ANKS1A: variants seen among roughly 807,000 people sequenced by gnomAD.
ANKS1A encodes the protein ankyrin repeat and sterile alpha motif domain containing 1A.
A neutral mutation model predicts 120.3 loss-of-function variants in ANKS1A; 55 were observed. That is an observed-to-expected ratio of 0.46 (90% CI 0.37 to 0.57). The LOEUF (loss-of-function observed/expected upper bound fraction) is 0.57, where lower values mean the gene tolerates loss of function less well. Among genes scored for constraint, ANKS1A ranks in the 20% least tolerant of loss-of-function variants. The pLI is 0.00. For missense variants in ANKS1A, 1,123 were observed against 1,480.3 expected, an observed-to-expected ratio of 0.76 and a Z score of 3.96; for synonymous variants, 590 against 604.7, an observed-to-expected ratio of 0.98 and a Z score of 0.36.
intron 1 of ANKS1A, among the ~76,000 whole-genome samples, chr6:34,962,434 G>T (rs201731661): frequency 1.3e-5 from 2 of 152,272 alleles, no homozygotes; most frequent in African/African-American, 4.8e-5. Flanking sequence ...AGAGTGGCTA[G>T]ATTGAGCTAA....
chr6:35,063,356 T>C (rs1776613790), intron 13 of ANKS1A, among the ~76,000 whole-genome samples: 1 of 152,200 alleles, frequency 6.6e-6, no homozygotes, highest in South Asian at 2.1e-4. Flanking sequence ...TAATTGGTGG[T>C]TGGCAAATTT....
In ANKS1A at chr6:34,982,926, C is replaced by A; in HGVS notation, c.808+99C>A. ...GATTTTTGCTGGCTGTGTTTGAACT[C>A]AATGTATGTGTATCTCCACTGGTTG... is the stretch of plus-strand genomic sequence containing the variant. On this transcript the variant is annotated intron_variant, in intron 5 of 23. Transcript: ENST00000360359. This position sits in a 1 kb window ranked among gnomAD's most constrained non-coding sequence, Gnocchi z 4.9. 2 of 1,437,444 alleles carry A rather than the reference C, an allele frequency of 1.4e-6. No individual in the cohort carries two copies. The highest frequency in any genetic ancestry group is 1.2e-5 in the South Asian group (1 of 86,692). 89.0% of individuals were successfully genotyped at this position (1,437,444 alleles called of 1,614,324 possible). A position where few individuals can be genotyped will look rare whatever the true frequency, so the allele number is the denominator to read the frequency against.
intron 11 of ANKS1A, among the ~76,000 whole-genome samples, chr6:35,025,236 G>A (rs1157590332): frequency 6.6e-6 from 1 of 151,194 alleles, no homozygotes; most frequent in Non-Finnish European, 1.5e-5. Context: ...TGTTAGCCTA[G>A]ATTATATATG....
intron 1 of ANKS1A, among the ~76,000 whole-genome samples, chr6:34,912,114 A>G (rs1321077084): frequency 6.6e-6 from 1 of 152,250 alleles, no homozygotes; most frequent in Non-Finnish European, 1.5e-5. Flanking sequence ...ATGAAATCAA[A>G]CGCTCATAAT....
At chr6:34,958,044 G>T (rs779257885) in intron 1 of ANKS1A, among the ~76,000 whole-genome samples, 26 of 152,152 alleles carry the variant, frequency 1.7e-4, no homozygotes, top group Non-Finnish European at 3.1e-4. Context: ...TGTAACCATG[G>T]TACAAACAAG....
chr6:34,905,234 A>G (rs1220911573), intron 1 of ANKS1A, among the ~76,000 whole-genome samples: 1 of 152,200 alleles, frequency 6.6e-6, no homozygotes, highest in Admixed American at 6.5e-5. Context: ...GACACTTACC[A>G]CATCATGCTC....
intron 2 of ANKS1A, 76 bp downstream of exon 2, chr6:34,967,395 A>G: frequency 6.7e-7 from 1 of 1,495,354 alleles, no homozygotes; most frequent in Non-Finnish European, 9.2e-7. Flanking sequence ...CATTTCCTAG[A>G]AAAGTTTGCT....
intron 1 of ANKS1A, among the ~76,000 whole-genome samples, chr6:34,944,799 G>A (rs1262325593): frequency 6.6e-6 from 1 of 152,094 alleles, no homozygotes; most frequent in Non-Finnish European, 1.5e-5. Context: ...TTGTTCAAGG[G>A]TCAGCTGTAT....
At chr6:34,955,815 T>G (rs1770334809) in intron 1 of ANKS1A, among the ~76,000 whole-genome samples, 1 of 152,232 alleles carries the variant, frequency 6.6e-6, no homozygotes, top group Non-Finnish European at 1.5e-5. Flanking sequence ...ACCTCAGAAT[T>G]TTGAAAGCAT....
chr6:35,014,662 G>A (rs1165680981), intron 10 of ANKS1A, among the ~76,000 whole-genome samples: 3 of 152,194 alleles, frequency 2.0e-5, no homozygotes, highest in African/African-American at 7.2e-5. Flanking sequence ...CTGAGCTGTG[G>A]TGTTTCCTTT....
intron 1 of ANKS1A, among the ~76,000 whole-genome samples, chr6:34,905,792 G>T (rs1320117814): frequency 6.6e-6 from 1 of 152,098 alleles, no homozygotes; most frequent in Non-Finnish European, 1.5e-5. Flanking sequence ...CTACCTGAAC[G>T]AAATCCTTAA....
In ANKS1A at chr6:34,906,251, G is replaced by A. The variant is rs115309235; in HGVS notation, c.197+16652G>A. Reference sequence around the variant, plus strand: ...CATCTGCAGAGTTAGACTGGGGAAAGGAGCGACTGCTTACTGTCCTCTTAC... The same window carrying A: ...CATCTGCAGAGTTAGACTGGGGAAAAGAGCGACTGCTTACTGTCCTCTTAC... On this transcript the variant is annotated intron_variant, in intron 1 of 23. Coordinates refer to ENST00000360359, the MANE Select transcript of ANKS1A (RefSeq NM_015245.3). 3.8e-3 allele frequency among the ~76,000 whole-genome samples: 578 copies of A among 152,282 alleles called. 7 individuals are homozygous for A. Among genetic ancestry groups the A allele is most frequent in the African/African-American group, 0.013 (546 of 41,550 alleles).
At chr6:34,898,526 G>A (rs1456531373) in intron 1 of ANKS1A, among the ~76,000 whole-genome samples, 1 of 152,144 alleles carries the variant, frequency 6.6e-6, no homozygotes, top group Non-Finnish European at 1.5e-5. Flanking sequence ...AATGACTGCT[G>A]CTAACTTATG....
intron 1 of ANKS1A, among the ~76,000 whole-genome samples, chr6:34,957,449 T>A (rs1299622510): frequency 6.6e-6 from 1 of 152,218 alleles, no homozygotes; most frequent in East Asian, 1.9e-4. Context: ...TAGACTGATT[T>A]GAGAGAGTGT....
rs1426209695 is a variant in ANKS1A at position 35,086,310 on chromosome 6, C to A, written c.3303+374C>A. ...GATAGTCGCTGTTGTTACTGTCACA[C>A]CTGCACCACCCACCGTCCTTCCTAC... On this transcript the variant is annotated intron_variant, in intron 22 of 23. Transcript: ENST00000360359. This position sits in a 1 kb window ranked among gnomAD's most constrained non-coding sequence, Gnocchi z 5.1. 1 of 1,307,598 alleles carries A rather than the reference C, an allele frequency of 7.6e-7. No individual in the cohort carries two copies. Among genetic ancestry groups the A allele is most frequent in the South Asian group, 1.2e-5 (1 of 81,128 alleles). The allele number at this position is 1,307,598 out of a possible 1,614,324, so 81.0% of individuals were successfully genotyped here.
At chr6:34,928,249 G>T (rs1037144576) in intron 1 of ANKS1A, among the ~76,000 whole-genome samples, 10 of 152,278 alleles carry the variant, frequency 6.6e-5, no homozygotes, top group Admixed American at 3.9e-4. Flanking sequence ...TCTCTGCGTA[G>T]CCCTCCTGCT....
chr6:35,083,544 C>T (rs1561967541), intron 20 of ANKS1A, 41 bp downstream of exon 20: 11 of 1,594,828 alleles, frequency 6.9e-6, no homozygotes, highest in African/African-American at 1.3e-5. Context: ...GTGGGACCCA[C>T]ATCCCCGTCA....
intron 10 of ANKS1A, among the ~76,000 whole-genome samples, chr6:35,006,830 A>G (rs1773485634): frequency 6.6e-6 from 1 of 152,094 alleles, no homozygotes; most frequent in Admixed American, 6.5e-5. Context: ...AATTAAAAAA[A>G]ATTTTTAAAA....
chr6:34,971,032 T>C (rs847861), intron 3 of ANKS1A, among the ~76,000 whole-genome samples: 36,121 of 152,182 alleles, frequency 0.24, 6,052 homozygotes, highest in African/African-American at 0.47. Flanking sequence ...ATTCTGTTTA[T>C]GCCATTGACA....
Sources: gnomAD v4.1 joint callset for allele counts (sites outside exome capture counted in the v4.1 genomes callset) on GRCh38, gnomAD v4.1.1 for gene constraint, Gnocchi (gnomAD v3.1) non-coding constraint, MANE v1.5 for transcripts, NCBI Gene and HGNC (gene_info 2026-07-23, HGNC 2026-07-21) for gene names.